Variants in PLOD2 observed in about 807,000 individuals in gnomAD.
The protein encoded by PLOD2 is procollagen-lysine,2-oxoglutarate 5-dioxygenase 2.
Under a neutral mutation model 101.0 loss-of-function variants are expected in PLOD2, and 65 were observed. The observed-to-expected ratio is 0.64, with a 90% confidence interval of 0.53 to 0.79. PLOD2 has a LOEUF of 0.79. Among genes scored for constraint, PLOD2 ranks in the 30% least tolerant of loss-of-function variants. The pLI is 0.00. For missense variants in PLOD2, 909 were observed against 914.6 expected, an observed-to-expected ratio of 0.99 and a Z score of 0.08; for synonymous variants, 314 against 302.9, an observed-to-expected ratio of 1.04 and a Z score of -0.38.
At chr3:146,156,019 T>C (rs569701984) in intron 1 of PLOD2, among the ~76,000 whole-genome samples, 1 of 152,312 alleles carries the variant, frequency 6.6e-6, no homozygotes, top group African/African-American at 2.4e-5. Flanking sequence ...TGCATCTCCT[T>C]TCCAACTAGC....
rs1303618301 is a variant in PLOD2 at position 146,108,713 on chromosome 3, T to C, written c.502+1572A>G. On this transcript the variant is annotated intron_variant, in intron 4 of 19. Transcript: ENST00000282903. ...TTCCTTAATTAAACTGACTTACAACTGCACTTGCTTGCTAATTTCTTGCTG... is the reference window on the plus strand; with the variant it reads ...TTCCTTAATTAAACTGACTTACAACCGCACTTGCTTGCTAATTTCTTGCTG... Among the ~76,000 whole-genome samples the C allele has an allele frequency of 2.6e-5, 4 of 152,238 alleles. No homozygotes were observed. In the East Asian group the frequency reaches 7.7e-4, roughly 29 times the overall value.
chr3:146,097,305 C>A (rs1338108647), intron 7 of PLOD2, among the ~76,000 whole-genome samples: 3 of 148,342 alleles, frequency 2.0e-5, no homozygotes, highest in Non-Finnish European at 4.5e-5. Context: ...GTGTGCCCAG[C>A]GGCTCATTGG....
In PLOD2 at chr3:146,070,688, A is replaced by T; in HGVS notation, c.*29T>A. Reference sequence around the variant, plus strand: ...TTCATGCCAGTCATTCATCCAAAATAAATTTCAATTCAATGAAAAGTAAAT... The same window carrying T: ...TTCATGCCAGTCATTCATCCAAAATTAATTTCAATTCAATGAAAAGTAAAT... On this transcript the variant is annotated 3_prime_UTR_variant, in exon 20 of 20. Transcript: ENST00000282903. 6.7e-7 allele frequency: 1 copy of T among 1,503,086 alleles called. No individual in the cohort carries two copies. Among genetic ancestry groups the T allele is most frequent in the Non-Finnish European group, 9.2e-7 (1 of 1,082,954 alleles). 93.1% of individuals were successfully genotyped at this position (1,503,086 alleles called of 1,614,324 possible).
intron 12 of PLOD2, among the ~76,000 whole-genome samples, chr3:146,080,629 A>G (rs945619399): frequency 1.3e-5 from 2 of 152,052 alleles, no homozygotes; most frequent in African/African-American, 4.8e-5. Flanking sequence ...GACAAGAATG[A>G]CAGGAGGTTG....
chr3:146,074,012 TC>T (rs1050197795), intron 15 of PLOD2, among the ~76,000 whole-genome samples: 1 of 151,524 alleles, frequency 6.6e-6, no homozygotes, highest in Non-Finnish European at 1.5e-5. Context: ...TGCACTTCTT[TC>T]AGTTACTAAA....
chr3:146,160,592 C>T (rs1186996286), intron 1 of PLOD2, among the ~76,000 whole-genome samples: 1 of 152,102 alleles, frequency 6.6e-6, no homozygotes, highest in East Asian at 1.9e-4. Flanking sequence ...GGTGTTGGTG[C>T]CCATGACCTG....
At chr3:146,147,710 C>T (rs1033066569) in intron 1 of PLOD2, among the ~76,000 whole-genome samples, 1 of 152,048 alleles carries the variant, frequency 6.6e-6, no homozygotes, top group Non-Finnish European at 1.5e-5. Context: ...TCATAGCATG[C>T]GAAGAGTCAC....
chr3:146,136,399 TGAG>T (rs1446243610), intron 1 of PLOD2, among the ~76,000 whole-genome samples: 2 of 152,166 alleles, frequency 1.3e-5, no homozygotes, highest in Non-Finnish European at 1.5e-5. Context: ...TGACCTAATG[TGAG>T]GAGGACAGCG....
chr3:146,119,426 G>C (rs1938077205), intron 3 of PLOD2, among the ~76,000 whole-genome samples: 1 of 147,768 alleles, frequency 6.8e-6, no homozygotes, highest in African/African-American at 2.5e-5. Context: ...TTTATAACTA[G>C]TAATATCTAC....
intron 7 of PLOD2, among the ~76,000 whole-genome samples, chr3:146,099,587 G>A (rs1279714325): frequency 1.3e-5 from 2 of 151,404 alleles, no homozygotes; most frequent in African/African-American, 2.4e-5. Flanking sequence ...ATTTTTAGTA[G>A]AGACAGGGTT....
At chr3:146,091,041 T>C (rs1260396631) in intron 8 of PLOD2, among the ~76,000 whole-genome samples, 5 of 151,912 alleles carry the variant, frequency 3.3e-5, no homozygotes, top group Non-Finnish European at 7.4e-5. Flanking sequence ...AGAACAAAGA[T>C]ACATAAAAAT....
At chr3:146,118,115 T>C (rs866496295) in intron 3 of PLOD2, among the ~76,000 whole-genome samples, 1 of 152,142 alleles carries the variant, frequency 6.6e-6, no homozygotes, top group East Asian at 1.9e-4. Flanking sequence ...CTGACTAATA[T>C]GGTTGTTTGA....
intron 1 of PLOD2, among the ~76,000 whole-genome samples, chr3:146,140,022 A>T (rs1264738471): frequency 6.6e-6 from 1 of 152,126 alleles, no homozygotes; most frequent in Non-Finnish European, 1.5e-5. Context: ...TTAATTAGTC[A>T]TAAGCAAGAT....
chr3:146,160,600 C>G (rs970950578), intron 1 of PLOD2, among the ~76,000 whole-genome samples: 3 of 152,164 alleles, frequency 2.0e-5, no homozygotes, highest in Non-Finnish European at 4.4e-5. Context: ...TGCCCATGAC[C>G]TGCAAGTCCA....
At chr3:146,114,452 T>C (rs1346623431) in intron 3 of PLOD2, among the ~76,000 whole-genome samples, 1 of 151,988 alleles carries the variant, frequency 6.6e-6, no homozygotes, top group Non-Finnish European at 1.5e-5. Flanking sequence ...TAAGCAAAAG[T>C]ATCCAGCCAA....
Position 146,102,862 on chromosome 3 carries a change from A to G in PLOD2, c.680-10T>C. On this transcript the variant is annotated splice_polypyrimidine_tract_variant and intron_variant, in intron 6 of 19. Coordinates refer to ENST00000282903, the MANE Select transcript of PLOD2 (RefSeq NM_182943.3). Reference sequence around the variant, plus strand: ...TTTAAAACAACTTCATCTGGGTTAAAAAGAGAAAATAGGCTTTAGTAATTT... The same window carrying G: ...TTTAAAACAACTTCATCTGGGTTAAGAAGAGAAAATAGGCTTTAGTAATTT... The G allele has an allele frequency of 7.0e-7, 1 of 1,426,798 alleles. No homozygotes were observed. The highest frequency in any genetic ancestry group is 1.1e-5 in the South Asian group (1 of 87,066). 88.4% of individuals were successfully genotyped at this position (1,426,798 alleles called of 1,614,324 possible).
At chr3:146,121,028 A>C in intron 3 of PLOD2, 84 bp downstream of exon 3, 1 of 1,140,724 alleles carries the variant, frequency 8.8e-7, no homozygotes, top group Non-Finnish European at 1.3e-6. Context: ...ACCATATTTT[A>C]ATACATCATC....
At position 146,161,170 on chromosome 3, in the gene PLOD2, G is replaced by A; in HGVS notation, c.-181C>T. The A allele has an allele frequency of 2.5e-6, 1 of 397,762 alleles. No homozygotes were observed. The highest frequency in any genetic ancestry group is 4.4e-6 in the Non-Finnish European group (1 of 229,508). 24.6% of individuals were successfully genotyped at this position (397,762 alleles called of 1,614,324 possible). The stretch of plus-strand genomic sequence containing the variant: ...ACGCAGCTGAGTGAGGTCGTCGGTG[G>A]AGGCACGGAGCAGCAGGCGCCCGGG... On this transcript the variant is annotated 5_prime_UTR_variant, in exon 1 of 20. Coordinates refer to ENST00000282903, the MANE Select transcript of PLOD2 (RefSeq NM_182943.3).
chr3:146,153,829 C>CAAAAAAAAAAAAA (rs57315523), intron 1 of PLOD2, among the ~76,000 whole-genome samples: 1 of 110,286 alleles, frequency 9.1e-6, no homozygotes, highest in Non-Finnish European at 1.8e-5. Flanking sequence ...GTCCACAGCA[C>CAAAAAAAAAAAAA]AAAAAAAAAA....
Sources: gnomAD v4.1 joint callset for allele counts (sites outside exome capture counted in the v4.1 genomes callset) on GRCh38, gnomAD v4.1.1 for gene constraint, MANE v1.5 for transcripts, NCBI Gene and HGNC (gene_info 2026-07-23, HGNC 2026-07-21) for gene names.